Variants in ADAMTS19 observed in about 807,000 individuals in gnomAD.
ADAMTS19 encodes the protein A disintegrin and metalloproteinase with thrombospondin motifs 19.
In ADAMTS19, 93 loss-of-function variants were observed where a neutral mutation model predicts 153.3. That is an observed-to-expected ratio of 0.61 (90% CI 0.51 to 0.72). ADAMTS19 has a LOEUF of 0.72. ADAMTS19 is among the 30% of genes least tolerant of loss of function. The probability of loss-of-function intolerance (pLI) is 0.00; values close to 1 mark genes in which losing one functional copy is unlikely to be tolerated. For missense variants in ADAMTS19, 1,482 were observed against 1,552.1 expected (o/e 0.95, Z 0.76); for synonymous variants, 600 against 556.6 (o/e 1.08, Z -1.10).
At chr5:129,492,273 C>T (rs1401405675) in intron 2 of ADAMTS19, among the ~76,000 whole-genome samples, 1 of 152,144 alleles carries the variant, frequency 6.6e-6, no homozygotes, top group Non-Finnish European at 1.5e-5. Context: ...GGGGAGGGTA[C>T]TAAACCATGC....
chr5:129,479,898 T>A (rs1750352213), intron 2 of ADAMTS19, among the ~76,000 whole-genome samples: 1 of 152,116 alleles, frequency 6.6e-6, no homozygotes, highest in Non-Finnish European at 1.5e-5. Flanking sequence ...CTGAATTGAT[T>A]TATAGATTTG....
chr5:129,643,046 A>G (rs1309079595), intron 11 of ADAMTS19, among the ~76,000 whole-genome samples: 1 of 152,178 alleles, frequency 6.6e-6, no homozygotes, highest in Non-Finnish European at 1.5e-5. Context: ...TTCTAACCTG[A>G]AGAGATCTAT....
chr5:129,656,615 C>T (rs1226023612), intron 14 of ADAMTS19, among the ~76,000 whole-genome samples: 2 of 152,216 alleles, frequency 1.3e-5, no homozygotes, highest in African/African-American at 4.8e-5. Flanking sequence ...ATTGCCTCTT[C>T]AAAGTAGTTC....
intron 21 of ADAMTS19, among the ~76,000 whole-genome samples, chr5:129,715,867 G>A (rs1001621993): frequency 2.0e-5 from 3 of 152,058 alleles, no homozygotes; most frequent in African/African-American, 7.2e-5. Context: ...GCACCTAAAC[G>A]GTGTTTAAAA....
intron 21 of ADAMTS19, among the ~76,000 whole-genome samples, chr5:129,705,765 A>G (rs1756122969): frequency 6.6e-6 from 1 of 152,218 alleles, no homozygotes; most frequent in Admixed American, 6.5e-5. Flanking sequence ...AAGGGAGACA[A>G]ATAGAGCAGG....
At chr5:129,538,093 A>G (rs1290771417) in intron 6 of ADAMTS19, among the ~76,000 whole-genome samples, 1 of 152,070 alleles carries the variant, frequency 6.6e-6, no homozygotes, top group African/African-American at 2.4e-5. Context: ...TAACAGTAAT[A>G]GATTTGAGAA....
At chr5:129,567,101 C>T (rs1209050693) in intron 7 of ADAMTS19, among the ~76,000 whole-genome samples, 2 of 152,056 alleles carry the variant, frequency 1.3e-5, no homozygotes, top group African/African-American at 2.4e-5. Flanking sequence ...GTGGATATGA[C>T]TCTAAAATTT....
intron 6 of ADAMTS19, among the ~76,000 whole-genome samples, chr5:129,531,062 TAAG>T (rs1478397887): frequency 4.1e-5 from 6 of 148,096 alleles, no homozygotes; most frequent in African/African-American, 1.0e-4. Flanking sequence ...ATAAAATACT[TAAG>T]AAGAATTTTA....
intron 7 of ADAMTS19, among the ~76,000 whole-genome samples, chr5:129,567,962 G>A (rs574373669): frequency 1.5e-4 from 23 of 152,156 alleles, no homozygotes; most frequent in Admixed American, 7.2e-4. Flanking sequence ...AATGACAGCC[G>A]ATTTCTCATG....
chr5:129,704,294 C>G lies in ADAMTS19; in HGVS notation c.3215C>G (p.Pro1072Arg). The G allele has an allele frequency of 6.2e-7, 1 of 1,614,048 alleles. No individual in the cohort carries two copies. The highest frequency in any genetic ancestry group is 8.5e-7 in the Non-Finnish European group (1 of 1,179,968). The change falls in exon 21 of 23, where the codon CCA becomes CGA. Residue 1072 changes from proline to arginine, a missense_variant. By Grantham distance (103) the Pro-to-Arg change is moderately radical. Coordinates refer to ENST00000274487, the MANE Select transcript of ADAMTS19 (RefSeq NM_133638.6). ...IRHRTVRCTN[P>R]RKKCVLSTRP... ...CATCGGACCGTTAGATGTACCAACC[C>G]AAGAAAGAAGTGTGTCCTCTCTACC...
chr5:129,586,458 T>G (rs1361377383), intron 7 of ADAMTS19, among the ~76,000 whole-genome samples: 2 of 152,190 alleles, frequency 1.3e-5, no homozygotes, highest in Admixed American at 6.5e-5. Context: ...TTCTATCACT[T>G]AGTAATGTGT....
intron 21 of ADAMTS19, among the ~76,000 whole-genome samples, chr5:129,713,758 TAAAAAAAA>T (rs370266801): frequency 6.6e-4 from 85 of 128,390 alleles, no homozygotes; most frequent in African/African-American, 2.4e-3. Context: ...AGACTCTATC[TAAAAAAAA>T]AAAAAAAAAA....
At chr5:129,607,907 A>G (rs1170318192) in intron 8 of ADAMTS19, among the ~76,000 whole-genome samples, 1 of 151,058 alleles carries the variant, frequency 6.6e-6, no homozygotes, top group Non-Finnish European at 1.5e-5. Flanking sequence ...ATGTATAAAG[A>G]TGGATGTATA....
At chr5:129,698,353 C>T (rs1755658997) in intron 19 of ADAMTS19, among the ~76,000 whole-genome samples, 1 of 152,180 alleles carries the variant, frequency 6.6e-6, no homozygotes, top group Non-Finnish European at 1.5e-5. Context: ...TCCTGTCTTT[C>T]CCCTTTCTCC....
intron 8 of ADAMTS19, among the ~76,000 whole-genome samples, chr5:129,602,826 CTGTGTGTGTGTGTG>C (rs56060749): frequency 6.8e-6 from 1 of 146,618 alleles, no homozygotes; most frequent in Admixed American, 6.8e-5. Context: ...CTTATATTCT[CTGTGTGTGTGTGTG>C]TGTGTGTGTG....
At chr5:129,499,222 G>A (rs952434704) in intron 2 of ADAMTS19, among the ~76,000 whole-genome samples, 6 of 151,978 alleles carry the variant, frequency 3.9e-5, no homozygotes, top group Non-Finnish European at 8.8e-5. Flanking sequence ...TAAGGTGAAT[G>A]GATACAAGAA....
rs140530802 is a variant in ADAMTS19, at chr5:129,663,836, T to C, written c.2426-1663T>C. 2.4e-3 allele frequency among the ~76,000 whole-genome samples: 366 copies of C among 152,328 alleles called. 1 individual carries two copies. The highest frequency in any genetic ancestry group is 8.5e-3 in the African/African-American group (355 of 41,570). The stretch of plus-strand genomic sequence containing the variant: ...GGGCATGCATTTAAACTCTCTTTAA[T>C]AGAGCCACTCTCTTAAATCTTCTCA... On this transcript the variant is annotated intron_variant, in intron 15 of 22. Transcript: ENST00000274487.
chr5:129,588,193 C>T (rs1346779264), intron 7 of ADAMTS19, among the ~76,000 whole-genome samples: 1 of 152,066 alleles, frequency 6.6e-6, no homozygotes, highest in African/African-American at 2.4e-5. Context: ...TTGATCCATA[C>T]ATTATTTAAA....
intron 2 of ADAMTS19, among the ~76,000 whole-genome samples, chr5:129,492,673 A>G (rs1290530060): frequency 6.6e-6 from 1 of 152,132 alleles, no homozygotes; most frequent in Admixed American, 6.5e-5. Flanking sequence ...ATTTTGCTAT[A>G]CTGCTTTAAA....
Sources: allele counts gnomAD v4.1 joint callset (sites outside exome capture counted in the v4.1 genomes callset), GRCh38; gene constraint gnomAD v4.1.1; transcripts MANE v1.5; gene names NCBI Gene and HGNC (gene_info 2026-07-23, HGNC 2026-07-21).